Variants in FRMD6 observed in about 807,000 individuals in gnomAD.
The protein encoded by FRMD6 is FERM domain containing 6.
FRMD6 carries 37 observed loss-of-function variants against 73.2 expected under a neutral mutation model. The observed-to-expected ratio is 0.51, with a 90% CI of 0.39 to 0.66. FRMD6 has a LOEUF of 0.66. Ranked by LOEUF, FRMD6 falls within the 30% of genes least tolerant of loss-of-function variation. The pLI, the probability that FRMD6 is intolerant of heterozygous loss-of-function variation, is 0.00. For synonymous variants in FRMD6, 273 were observed against 282.2 expected, an observed-to-expected ratio of 0.97 and a Z score of 0.33; for missense variants, 714 against 780.5, an observed-to-expected ratio of 0.91 and a Z score of 1.02.
intron 1 of FRMD6, among the ~76,000 whole-genome samples, chr14:51,517,869 T>G (rs941196121): frequency 7.7e-6 from 1 of 129,088 alleles, no homozygotes; most frequent in African/African-American, 3.0e-5. Context: ...TGAACGGGGG[T>G]GATGAGTAGC....
At chr14:51,654,024 A>C (rs986032187) in intron 1 of FRMD6, among the ~76,000 whole-genome samples, 1 of 152,194 alleles carries the variant, frequency 6.6e-6, no homozygotes, top group African/African-American at 2.4e-5. Context: ...GGGCTACAGT[A>C]ATCAGCAGTT....
intron 1 of FRMD6, among the ~76,000 whole-genome samples, chr14:51,671,667 G>A (rs982846307): frequency 6.6e-5 from 10 of 152,148 alleles, no homozygotes; most frequent in Non-Finnish European, 1.2e-4. Context: ...TGGAAGAATG[G>A]TGAAATCACT....
upstream of FRMD6, among the ~76,000 whole-genome samples, chr14:51,649,272 A>G (rs895539294): frequency 5.3e-5 from 8 of 152,190 alleles, no homozygotes; most frequent in Admixed American, 5.2e-4. Flanking sequence ...TTAATGTGGT[A>G]TTTATACTGT....
chr14:51,692,524 C>T (rs910502462), intron 2 of FRMD6, among the ~76,000 whole-genome samples: 1 of 151,510 alleles, frequency 6.6e-6, no homozygotes, highest in Admixed American at 6.6e-5. Context: ...TGGAACAACA[C>T]CTTACCACAT....
At chr14:51,653,953 A>G (rs1013999077) in intron 1 of FRMD6, among the ~76,000 whole-genome samples, 6 of 152,214 alleles carry the variant, frequency 3.9e-5, no homozygotes, top group Non-Finnish European at 8.8e-5. Context: ...ACTGACTGTA[A>G]TATGAACTAA....
intron 1 of FRMD6, among the ~76,000 whole-genome samples, chr14:51,498,082 A>G (rs181318550): frequency 1.6e-4 from 25 of 152,330 alleles, no homozygotes; most frequent in Admixed American, 8.5e-4. Context: ...CATTTCCTCT[A>G]TGTTGTGCTT....
intron 1 of FRMD6, among the ~76,000 whole-genome samples, chr14:51,520,838 A>G (rs1174118578): frequency 3.3e-5 from 5 of 152,106 alleles, no homozygotes; most frequent in Non-Finnish European, 5.9e-5. Flanking sequence ...GAGCCTGAGG[A>G]GGTCGAGGCT....
chr14:51,542,414 TATC>T (rs1886249310), intron 1 of FRMD6, among the ~76,000 whole-genome samples: 1 of 152,068 alleles, frequency 6.6e-6, no homozygotes. Context: ...TTCTTTCACT[TATC>T]ATAATGTTTT....
chr14:51,682,480 A>G (rs1479006254), intron 1 of FRMD6, among the ~76,000 whole-genome samples: 2 of 152,088 alleles, frequency 1.3e-5, no homozygotes, highest in East Asian at 1.9e-4. Context: ...GATTATCTGT[A>G]TTAGAGAGGA....
At chr14:51,469,662 T>C in the FRMD6 span, among the ~76,000 whole-genome samples, 2 of 151,848 alleles carry the variant, frequency 1.3e-5, no homozygotes, top group Admixed American at 1.3e-4. Flanking sequence ...TGATATGTTA[T>C]TTTAATATTT....
chr14:51,480,485 CTAAAACATTGTTT>C, the FRMD6 span, among the ~76,000 whole-genome samples: 20 of 152,140 alleles, frequency 1.3e-4, no homozygotes, highest in East Asian at 3.9e-3. Context: ...AAATTAAGAC[CTAAAACATTGTTT>C]TAAAACATTG....
chr14:51,564,124 G>A (rs1169459123), intron 1 of FRMD6, among the ~76,000 whole-genome samples: 2 of 152,074 alleles, frequency 1.3e-5, no homozygotes, highest in Non-Finnish European at 2.9e-5. Flanking sequence ...AGATTGGCCC[G>A]ATTTCCTCCA....
chr14:51,509,173 C>T (rs1310417765), intron 1 of FRMD6, among the ~76,000 whole-genome samples: 1 of 152,146 alleles, frequency 6.6e-6, no homozygotes, highest in Admixed American at 6.5e-5. Context: ...AATTTTGTCC[C>T]CACTTGGTTA....
chr14:51,631,630 T>C (rs1891340480), intron 2 of FRMD6, among the ~76,000 whole-genome samples: 1 of 152,162 alleles, frequency 6.6e-6, no homozygotes, highest in Non-Finnish European at 1.5e-5. Flanking sequence ...CAGCACAGCT[T>C]CTGGTAATTG....
chr14:51,700,014 A>G (rs1283616553), intron 3 of FRMD6, among the ~76,000 whole-genome samples: 2 of 151,948 alleles, frequency 1.3e-5, no homozygotes, highest in African/African-American at 4.8e-5. Flanking sequence ...ATAACCAACG[A>G]GTAACTTTAC....
chr14:51,698,388 A>G (rs561695942), intron 3 of FRMD6, among the ~76,000 whole-genome samples, 156 bp downstream of exon 3: 1 of 152,214 alleles, frequency 6.6e-6, no homozygotes, highest in African/African-American at 2.4e-5. Flanking sequence ...GTAGTATTTA[A>G]TTTTTTAATC....
chr14:51,507,083 GACACACACACACACACACACAC>G (rs200052672), intron 1 of FRMD6, among the ~76,000 whole-genome samples: 9,104 of 139,086 alleles, frequency 0.065, 334 homozygotes, highest in Middle Eastern at 0.15. Flanking sequence ...TGGTTGTATA[GACACACACACACACACACACAC>G]ACACACACAC....
chr14:51,721,647 GAA>G (rs1566598005), intron 11 of FRMD6, among the ~76,000 whole-genome samples: 1 of 14,186 alleles, frequency 7.0e-5, no homozygotes, highest in Non-Finnish European at 1.6e-4. Context: ...GGGAGGGAGG[GAA>G]GGAAGGAAGG....
chr14:51,628,879 T>TGC (rs1555328717), intron 2 of FRMD6, among the ~76,000 whole-genome samples: 1 of 131,126 alleles, frequency 7.6e-6, no homozygotes, highest in Middle Eastern at 3.8e-3. Flanking sequence ...TTTCTTTTCT[T>TGC]TTTTTTTTTT....
Sources: gnomAD v4.1 joint callset for allele counts (sites outside exome capture counted in the v4.1 genomes callset) on GRCh38, gnomAD v4.1.1 for gene constraint, MANE v1.5 for transcripts, NCBI Gene and HGNC (gene_info 2026-07-23, HGNC 2026-07-21) for gene names.